Variants in SGCD observed in about 807,000 individuals in gnomAD.
The protein encoded by SGCD is delta-sarcoglycan.
SGCD carries 18 observed loss-of-function variants against 36.6 expected under a neutral mutation model. That is an observed-to-expected ratio of 0.49 (90% CI 0.34 to 0.73). The LOEUF (loss-of-function observed/expected upper bound fraction) is 0.73. SGCD is among the 30% of genes least tolerant of loss of function. The pLI is 0.01. For missense variants in SGCD, 387 were observed against 346.7 expected (o/e 1.12, Z -0.92); for synonymous variants, 133 against 130.6 (o/e 1.02, Z -0.12).
rs186073914 is a variant in SGCD at position 156,395,295 on chromosome 5, A to G, written c.192+50618A>G. ...CAGCTAACTAGGACTAGGGCATCCT[A>G]TGTGATTGGTTAGGATGTATATTTG... is the stretch of plus-strand genomic sequence containing the variant. On this transcript the variant is annotated intron_variant, in intron 3 of 8. Coordinates refer to ENST00000337851, the MANE Select transcript of SGCD (RefSeq NM_000337.6). Among the ~76,000 whole-genome samples the G allele has an allele frequency of 1.6e-3, 241 of 152,312 alleles. 7 individuals are homozygous for G. The highest frequency in any genetic ancestry group is 0.016 in the Admixed American group (239 of 15,302).
chr5:156,129,129 C>G (rs1407296848), intron 3 of SGCD, among the ~76,000 whole-genome samples: 1 of 152,090 alleles, frequency 6.6e-6, no homozygotes, highest in African/African-American at 2.4e-5. Flanking sequence ...TATGCATTAT[C>G]AAAGCTGATT....
At chr5:156,376,558 G>T (rs1293707342) in intron 3 of SGCD, among the ~76,000 whole-genome samples, 1 of 152,170 alleles carries the variant, frequency 6.6e-6, no homozygotes, top group Non-Finnish European at 1.5e-5. Flanking sequence ...TAATGAGATT[G>T]GGAAGGCAAG....
rs538355792 is a variant in SGCD at position 156,086,173 on chromosome 5, G to A, written c.-281-31705G>A. On this transcript the variant is annotated intron_variant, in intron 1 of 9. Transcript: ENST00000517913. ...TAACTTTCCCATTTGAAATAACATT[G>A]TCTTATATAGCAGAATGCTGTAATT... 1.7e-3 allele frequency among the ~76,000 whole-genome samples: 261 copies of A among 152,332 alleles called. 1 individual carries two copies. Among genetic ancestry groups the A allele is most frequent in the African/African-American group, 5.8e-3 (243 of 41,574 alleles).
intron 6 of SGCD, among the ~76,000 whole-genome samples, chr5:156,629,735 C>T (rs1006042333): frequency 2.6e-5 from 4 of 151,750 alleles, no homozygotes; most frequent in African/African-American, 9.7e-5. Flanking sequence ...AATAGGTAAT[C>T]AAATGAATAT....
At chr5:155,962,059 AG>A (rs1757802139) in intron 1 of SGCD, among the ~76,000 whole-genome samples, 1 of 152,088 alleles carries the variant, frequency 6.6e-6, no homozygotes, top group African/African-American at 2.4e-5. Context: ...CTAATGGGGT[AG>A]GAATATTAAA....
chr5:156,178,893 G>A (rs1581149998), intron 3 of SGCD, among the ~76,000 whole-genome samples: 1 of 152,166 alleles, frequency 6.6e-6, no homozygotes, highest in East Asian at 1.9e-4. Flanking sequence ...GCCAATATAT[G>A]TTGTTTGAGA....
At chr5:156,160,892 A>T (rs1301248201) in intron 3 of SGCD, among the ~76,000 whole-genome samples, 2 of 151,702 alleles carry the variant, frequency 1.3e-5, no homozygotes, top group African/African-American at 4.9e-5. Context: ...AAAGAGCTAG[A>T]TAGTAAATAT....
intron 1 of SGCD, among the ~76,000 whole-genome samples, chr5:155,974,049 G>A (rs1324225919): frequency 6.6e-6 from 1 of 152,162 alleles, no homozygotes. Context: ...AATTCATGCT[G>A]TCTGTTAAAG....
chr5:155,774,144 G>A, the SGCD span, among the ~76,000 whole-genome samples: 1 of 152,094 alleles, frequency 6.6e-6, no homozygotes, highest in Non-Finnish European at 1.5e-5. Flanking sequence ...ATTCCACAAT[G>A]CTGGATTTTA....
chr5:155,955,376 C>G (rs758912667), intron 1 of SGCD, among the ~76,000 whole-genome samples: 9 of 152,010 alleles, frequency 5.9e-5, no homozygotes, highest in Non-Finnish European at 8.8e-5. Flanking sequence ...TGAATTTTCC[C>G]AAAGCTATTT....
chr5:155,822,457 G>A, the SGCD span, among the ~76,000 whole-genome samples: 44 of 152,276 alleles, frequency 2.9e-4, no homozygotes, highest in Middle Eastern at 6.8e-3. Context: ...TGAAATTGAC[G>A]TGAAGCACAG....
chr5:156,356,172 A>G (rs1561641697), intron 3 of SGCD, among the ~76,000 whole-genome samples: 4 of 152,234 alleles, frequency 2.6e-5, no homozygotes, highest in South Asian at 2.1e-4. Flanking sequence ...GTGGCTTAAT[A>G]AAACAGCAAT....
At chr5:156,653,776 G>A (rs1194746319) in intron 7 of SGCD, among the ~76,000 whole-genome samples, 1 of 151,946 alleles carries the variant, frequency 6.6e-6, no homozygotes, top group Non-Finnish European at 1.5e-5. Flanking sequence ...AATGAACTTG[G>A]TGACTGACTC....
chr5:155,838,014 T>C, the SGCD span, among the ~76,000 whole-genome samples: 1 of 152,164 alleles, frequency 6.6e-6, no homozygotes, highest in African/African-American at 2.4e-5. Flanking sequence ...AACAGCGTAA[T>C]GAACTTTGTG....
chr5:156,099,172 GC>G (rs1761457634), intron 1 of SGCD, among the ~76,000 whole-genome samples: 1 of 152,174 alleles, frequency 6.6e-6, no homozygotes, highest in South Asian at 2.1e-4. Context: ...AAGTCAGCTA[GC>G]CCCGTCTTTT....
chr5:156,218,230 C>A (rs1351177364), intron 3 of SGCD, among the ~76,000 whole-genome samples: 1 of 151,912 alleles, frequency 6.6e-6, no homozygotes, highest in African/African-American at 2.4e-5. Context: ...CCAGCCTGGG[C>A]AACAGAGCGA....
At chr5:156,126,779 A>G (rs1166483013) in intron 3 of SGCD, among the ~76,000 whole-genome samples, 6 of 152,226 alleles carry the variant, frequency 3.9e-5, no homozygotes, top group Non-Finnish European at 2.9e-5. Context: ...TCCTGTATGA[A>G]CATTAGAAAG....
chr5:155,910,164 T>C (rs1756601413), intron 1 of SGCD, among the ~76,000 whole-genome samples: 1 of 152,026 alleles, frequency 6.6e-6, no homozygotes, highest in Non-Finnish European at 1.5e-5. Context: ...AGATCTGCCA[T>C]CACTACCTTC....
the SGCD span, among the ~76,000 whole-genome samples, chr5:155,750,282 A>G: frequency 6.6e-6 from 1 of 152,228 alleles, no homozygotes; most frequent in African/African-American, 2.4e-5. Flanking sequence ...CACCATTTAC[A>G]TAAATAATAG....
Sources: gnomAD v4.1 joint callset for allele counts (sites outside exome capture counted in the v4.1 genomes callset) on GRCh38, gnomAD v4.1.1 for gene constraint, MANE v1.5 for transcripts, NCBI Gene and HGNC (gene_info 2026-07-23, HGNC 2026-07-21) for gene names.